Variants in KCNK17 observed in about 807,000 individuals in gnomAD.
The protein encoded by KCNK17 is potassium two pore domain channel subfamily K member 17.
In KCNK17, 27 loss-of-function variants were observed where a neutral mutation model predicts 24.6. That is an observed-to-expected ratio of 1.10 (90% confidence interval 0.81 to 1.51). KCNK17 has a LOEUF of 1.51. KCNK17 is among the 40% of genes most tolerant of loss of function. The pLI is 0.00. For missense variants in KCNK17, 450 were observed against 436.6 expected (o/e 1.03, Z -0.27); for synonymous variants, 181 against 189.8 (o/e 0.95, Z 0.38).
Position 39,303,955 on chromosome 6 carries a change from A to G in KCNK17, c.688+2T>C, listed in dbSNP as rs752863969. 2 of 1,610,916 alleles carry G rather than the reference A, an allele frequency of 1.2e-6. No individual in the cohort carries two copies. The highest frequency in any genetic ancestry group is 2.2e-5 in the South Asian group (2 of 91,050). ...GCCAGCCCAACCGCCAGGAACTCTCACCAATCACGTAGTCGCCGAAGCCCA... is the reference window on the plus strand; with the variant it reads ...GCCAGCCCAACCGCCAGGAACTCTCGCCAATCACGTAGTCGCCGAAGCCCA... On this transcript the variant is annotated splice_donor_variant, in intron 4 of 4. Transcript: ENST00000373231. LOFTEE classifies it high-confidence loss of function.
chr6:39,311,107 C>T (rs1583772462), intron 1 of KCNK17, 100 bp from the exon 2 acceptor site: 6 of 576,450 alleles, frequency 1.0e-5, no homozygotes, highest in Non-Finnish European at 1.8e-5. Context: ...CACACACACA[C>T]ACACACACAC....
intron 2 of KCNK17, 143 bp from the exon 3 acceptor site, chr6:39,304,798 C>G (rs1583767120): frequency 1.2e-6 from 1 of 857,056 alleles, no homozygotes; most frequent in Non-Finnish European, 1.8e-6. Flanking sequence ...CCAAGGCCCT[C>G]CTTTTCTGTG....
At chr6:39,313,377 G>A (rs1762188023) in intron 1 of KCNK17, among the ~76,000 whole-genome samples, 4 of 152,198 alleles carry the variant, frequency 2.6e-5, no homozygotes, top group Admixed American at 2.0e-4. Flanking sequence ...TCGGAGTAAA[G>A]CGGGTTCAGC....
chr6:39,304,204 C>G (rs1243272077), intron 3 of KCNK17, 73 bp from the exon 4 acceptor site: 8 of 1,424,626 alleles, frequency 5.6e-6, no homozygotes, highest in Non-Finnish European at 6.7e-6. Context: ...GAGCTGGAGG[C>G]AGGCCAGAGC....
intron 2 of KCNK17, among the ~76,000 whole-genome samples, chr6:39,306,690 C>T (rs1762041273): frequency 6.6e-6 from 1 of 151,960 alleles, no homozygotes; most frequent in Non-Finnish European, 1.5e-5. Context: ...TCTGCTGCAC[C>T]TCCTAGGTTT....
At chr6:39,306,282 G>T (rs1217888599) in intron 2 of KCNK17, among the ~76,000 whole-genome samples, 2 of 152,168 alleles carry the variant, frequency 1.3e-5, no homozygotes, top group African/African-American at 4.8e-5. Context: ...GACCTCAGGC[G>T]ATCTGCCCGC....
chr6:39,310,854 T>TGC, intron 2 of KCNK17, 39 bp downstream of exon 2: 3 of 1,084,948 alleles, frequency 2.8e-6, no homozygotes, highest in Non-Finnish European at 4.0e-6. Flanking sequence ...GCTGCCTCCT[T>TGC]CCCCCACCCC....
rs141016843 is a variant in KCNK17 at position 39,310,983 on chromosome 6, C to T, written c.262G>A (p.Gly88Arg). The change falls in exon 2 of 5, where the codon GGA (glycine) becomes AGA (arginine). Residue 88 changes from glycine (G) to arginine (R), a missense_variant. Gly to Arg is a moderately radical substitution (Grantham distance 125). Coordinates refer to ENST00000373231, the MANE Select transcript of KCNK17 (RefSeq NM_031460.4). ...IRDVVQAYKN[G>R]ASLLSNTTSM... ...GTGGTGTTGCTGAGGAGGCTGGCTCCGTTTTTGTATGCTTGGACGACATCC... is the reference window on the plus strand; with the variant it reads ...GTGGTGTTGCTGAGGAGGCTGGCTCTGTTTTTGTATGCTTGGACGACATCC... 47 of 1,597,138 alleles carry T rather than the reference C, an allele frequency of 2.9e-5. No homozygotes were observed. Among genetic ancestry groups the T allele is most frequent in the Non-Finnish European group, 3.7e-5 (43 of 1,168,344 alleles).
chr6:39,306,067 G>A (rs1238387479), intron 2 of KCNK17, among the ~76,000 whole-genome samples: 4 of 144,292 alleles, frequency 2.8e-5, no homozygotes, highest in East Asian at 2.1e-4. Flanking sequence ...TTTTTGAGAC[G>A]TAGTTTCGCT....
Position 39,307,180 on chromosome 6 carries a change from G to C in KCNK17, c.353-2525C>G, listed in dbSNP as rs867640354. Among the ~76,000 whole-genome samples, 6 of 152,280 alleles carry C rather than the reference G, an allele frequency of 3.9e-5. No individual in the cohort carries two copies. The South Asian group carries it at 6.2e-4, about 16-fold the overall frequency. On this transcript the variant is annotated intron_variant, in intron 2 of 4. Transcript: ENST00000373231. ...GGATGCTGACATCCACCTACAGTGG[G>C]GGGTAATGATGAAATGAGGAATGGA...
chr6:39,309,391 A>G (rs1405626429), intron 2 of KCNK17, among the ~76,000 whole-genome samples: 1 of 152,204 alleles, frequency 6.6e-6, no homozygotes, highest in Non-Finnish European at 1.5e-5. Flanking sequence ...TTGAAATCTT[A>G]AATGTCAAAG....
intron 4 of KCNK17, chr6:39,300,414 G>A (rs1256523014): frequency 7.8e-6 from 11 of 1,411,844 alleles, no homozygotes; most frequent in East Asian, 7.5e-5. Flanking sequence ...GTGAGCCACC[G>A]TGCCCGGCCA....
intron 4 of KCNK17, 81 bp from the exon 5 acceptor site, chr6:39,299,818 T>C: frequency 7.0e-7 from 1 of 1,438,146 alleles, no homozygotes; most frequent in Non-Finnish European, 9.6e-7. Context: ...AGATACATGG[T>C]TTGATTCATA....
At position 39,314,349 on chromosome 6, in the gene KCNK17, G is replaced by T; in HGVS notation, c.-29C>A. The T allele has an allele frequency of 7.3e-7, 1 of 1,376,558 alleles. No individual in the cohort carries two copies. Among genetic ancestry groups the T allele is most frequent in the Non-Finnish European group, 9.4e-7 (1 of 1,063,364 alleles). The allele number at this position is 1,376,558 out of a possible 1,614,324, so 85.3% of individuals were successfully genotyped here. A position where few individuals can be genotyped will look rare whatever the true frequency, so the allele number is the denominator to read the frequency against. ...GGGAGAGGCGGGGAGCCGGCGCCGG[G>T]AGCGGTGGACTAGGACCCGGTGGGA... is the stretch of plus-strand genomic sequence containing the variant. On this transcript the variant is annotated 5_prime_UTR_variant, in exon 1 of 5. Transcript: ENST00000373231.
chr6:39,304,103 C>A lies in KCNK17; in HGVS notation c.542G>T (p.Gly181Val), dbSNP rs750703817. 16 of 1,610,824 alleles carry A rather than the reference C, an allele frequency of 9.9e-6. No individual in the cohort carries two copies. The African/African-American group carries it at 2.0e-4, about 20-fold the overall frequency. The change falls in exon 4 of 5, where the codon GGC becomes GTC. Residue 181 changes from glycine to valine, a missense_variant. Physicochemically the swap from Gly to Val is moderately radical, Grantham distance 109. Transcript: ENST00000373231. ...QDPDKARWLA[G>V]SGALLSGLLL... ...GAGGCCCGAGAGGAGGGCGCCAGAG[C>A]CCGCCAGCCACCGCGCCTTGTCAGG...
intron 4 of KCNK17, among the ~76,000 whole-genome samples, chr6:39,301,294 C>G (rs1354291963): frequency 6.6e-6 from 1 of 152,202 alleles, no homozygotes; most frequent in Non-Finnish European, 1.5e-5. Context: ...CCTATTCCTT[C>G]GTCATCCTTT....
At chr6:39,302,708 T>G (rs1018339583) in intron 4 of KCNK17, among the ~76,000 whole-genome samples, 1 of 152,194 alleles carries the variant, frequency 6.6e-6, no homozygotes, top group African/African-American at 2.4e-5. Flanking sequence ...TTGGAGCTAC[T>G]GGGCTCAGCT....
At chr6:39,305,830 A>G (rs1762026002) in intron 2 of KCNK17, among the ~76,000 whole-genome samples, 1 of 152,030 alleles carries the variant, frequency 6.6e-6, no homozygotes, top group Non-Finnish European at 1.5e-5. Context: ...TGCACCTTTG[A>G]CCACAATGCT....
rs938152079 is a variant in KCNK17 at position 39,304,592 on chromosome 6, A to G, written c.416T>C (p.Val139Ala). 6.2e-7 allele frequency: 1 copy of G among 1,614,006 alleles called. No individual in the cohort carries two copies. Residue 139 changes from valine (V) to alanine (A), a missense_variant, in exon 3 of 5, where the codon GTG becomes GCG. Transcript: ENST00000373231. ...ARLFCIFFAL[V>A]GIPLNLVVLN... ...CACCACGAGGTTGAGTGGGATCCCC[A>G]CAAGGGCAAAGAAGATGCAGAAGAG...
Sources: allele counts gnomAD v4.1 joint callset (sites outside exome capture counted in the v4.1 genomes callset), GRCh38; gene constraint gnomAD v4.1.1; transcripts MANE v1.5; gene names NCBI Gene and HGNC (gene_info 2026-07-23, HGNC 2026-07-21).